Variants in NYAP2 observed in about 807,000 individuals in gnomAD.
The protein encoded by NYAP2 is neuronal tyrosine-phosphorylated phosphoinositide-3-kinase adaptor 2.
In NYAP2, 23 loss-of-function variants were observed where a neutral mutation model predicts 50.4. The ratio of observed to expected loss-of-function variants is 0.46; its 90% CI spans 0.33 to 0.65. NYAP2 has a LOEUF of 0.65. Ranked by LOEUF, NYAP2 falls within the 30% of genes least tolerant of loss-of-function variation. NYAP2 has a pLI of 0.02. For missense variants in NYAP2, 885 were observed against 861.0 expected (o/e 1.03, Z -0.35); for synonymous variants, 394 against 365.2 (o/e 1.08, Z -0.90).
intron 3 of NYAP2, among the ~76,000 whole-genome samples, chr2:225,467,432 G>A (rs1689938034): frequency 6.6e-6 from 1 of 152,156 alleles, no homozygotes; most frequent in Non-Finnish European, 1.5e-5. Context: ...CCTGATTGGG[G>A]TGGTGGGGGT....
chr2:225,546,562 C>A (rs1012801939), intron 4 of NYAP2, among the ~76,000 whole-genome samples: 1 of 151,956 alleles, frequency 6.6e-6, no homozygotes, highest in East Asian at 1.9e-4. Flanking sequence ...TGTTGCTAGG[C>A]CTTGGATTTA....
intron 5 of NYAP2, among the ~76,000 whole-genome samples, chr2:225,621,076 T>C (rs1009368577): frequency 7.0e-6 from 1 of 142,840 alleles, no homozygotes; most frequent in Non-Finnish European, 1.5e-5. Flanking sequence ...ATCGTGCCAC[T>C]GCACTCCAGC....
intron 5 of NYAP2, among the ~76,000 whole-genome samples, chr2:225,622,547 TTCTTTCTTTCTTTTTC>T (rs1162550164): frequency 0.014 from 615 of 43,030 alleles, 3 homozygotes; most frequent in African/African-American, 0.041. Flanking sequence ...CTTTCTTTCT[TTCTTTCTTTCTTTTTC>T]TTTCTTTCTT....
chr2:225,419,306 G>A (rs1023241844), intron 3 of NYAP2, among the ~76,000 whole-genome samples: 3 of 152,216 alleles, frequency 2.0e-5, no homozygotes, highest in African/African-American at 7.2e-5. Flanking sequence ...CATTGGTAAT[G>A]TTCACTTAAG....
chr2:225,585,442 C>T (rs1189853669), intron 5 of NYAP2, among the ~76,000 whole-genome samples: 2 of 152,240 alleles, frequency 1.3e-5, no homozygotes, highest in Non-Finnish European at 2.9e-5. Context: ...TAGAATCAGT[C>T]TACGTGTATA....
intron 6 of NYAP2, among the ~76,000 whole-genome samples, chr2:225,645,238 G>GAA (rs36010669): frequency 5.9e-5 from 6 of 101,520 alleles, no homozygotes; most frequent in Admixed American, 1.0e-4. Flanking sequence ...AGCCTGGGCA[G>GAA]AAAAAAAAAA....
chr2:225,548,922 C>A (rs1314666389), intron 4 of NYAP2, among the ~76,000 whole-genome samples: 1 of 149,810 alleles, frequency 6.7e-6, no homozygotes, highest in East Asian at 2.0e-4. Context: ...TTGCTCATTG[C>A]CCAGGCTGGA....
chr2:225,697,013 A>C, the NYAP2 span, among the ~76,000 whole-genome samples: 1 of 151,980 alleles, frequency 6.6e-6, no homozygotes, highest in Non-Finnish European at 1.5e-5. Context: ...TGTAACAGCA[A>C]GTTCAATGAC....
rs544835532 is a variant in NYAP2, at chr2:225,465,179, A to G, written c.222-48192A>G. On this transcript the variant is annotated intron_variant, in intron 3 of 6. Coordinates refer to ENST00000636099, the Ensembl canonical transcript of NYAP2. Reference sequence around the variant, plus strand: ...TGAGAAGTGGAGGACATATCGACTTACCCTTTGGGCATGATTTTCTTTGCC... The same window carrying G: ...TGAGAAGTGGAGGACATATCGACTTGCCCTTTGGGCATGATTTTCTTTGCC... Among the ~76,000 whole-genome samples, 15 of 152,230 alleles carry G rather than the reference A, an allele frequency of 9.9e-5. No individual in the cohort carries two copies. The South Asian group carries it at 2.9e-3, about 29-fold the overall frequency.
At chr2:225,568,085 GTT>G (rs932571405) in intron 4 of NYAP2, among the ~76,000 whole-genome samples, 1 of 152,046 alleles carries the variant, frequency 6.6e-6, no homozygotes, top group African/African-American at 2.4e-5. Context: ...TACACAGGAG[GTT>G]TTTTGCCAGA....
the NYAP2 span, among the ~76,000 whole-genome samples, chr2:225,664,273 A>T: frequency 6.6e-6 from 1 of 152,320 alleles, no homozygotes; most frequent in South Asian, 2.1e-4. Flanking sequence ...TCCAAGGAGC[A>T]TGTATGGATT....
chr2:225,693,443 C>A, the NYAP2 span, among the ~76,000 whole-genome samples: 1 of 152,002 alleles, frequency 6.6e-6, no homozygotes, highest in African/African-American at 2.4e-5. Flanking sequence ...TAGTTTACTA[C>A]GGTTGATCGC....
At chr2:225,559,263 A>G (rs1691828440) in intron 4 of NYAP2, among the ~76,000 whole-genome samples, 1 of 152,012 alleles carries the variant, frequency 6.6e-6, no homozygotes, top group Non-Finnish European at 1.5e-5. Context: ...GTGTCAGTAG[A>G]GAAAAAGCTT....
intron 3 of NYAP2, among the ~76,000 whole-genome samples, chr2:225,443,923 A>T (rs900680055): frequency 2.6e-5 from 4 of 152,198 alleles, no homozygotes; most frequent in Admixed American, 1.3e-4. Flanking sequence ...CAAATTCTTG[A>T]CCTTGTGTGA....
At chr2:225,596,885 A>G (rs1448482980) in intron 5 of NYAP2, among the ~76,000 whole-genome samples, 1 of 152,202 alleles carries the variant, frequency 6.6e-6, no homozygotes, top group Non-Finnish European at 1.5e-5. Flanking sequence ...TATTAGCTAG[A>G]TTGCATGGTA....
intron 3 of NYAP2, 88 bp from the exon 4 acceptor site, chr2:225,513,283 T>C: frequency 8.4e-7 from 1 of 1,196,846 alleles, no homozygotes; most frequent in Non-Finnish European, 1.2e-6. Context: ...ATTTGAAATT[T>C]TCCCTATTAG....
At chr2:225,701,204 T>C in the NYAP2 span, 1 of 151,826 alleles carries the variant, frequency 6.6e-6, no homozygotes, top group Admixed American at 6.6e-5. Flanking sequence ...AGATCATTAG[T>C]ATGTAGAGAA....
At chr2:225,643,610 C>G (rs1348114531) in intron 6 of NYAP2, among the ~76,000 whole-genome samples, 1 of 146,844 alleles carries the variant, frequency 6.8e-6, no homozygotes, top group African/African-American at 2.5e-5. Flanking sequence ...CACCCCACAA[C>G]AGTCCCCAGA....
chr2:225,441,786 A>G (rs570436884), intron 3 of NYAP2, among the ~76,000 whole-genome samples: 2 of 152,242 alleles, frequency 1.3e-5, no homozygotes, highest in Non-Finnish European at 2.9e-5. Flanking sequence ...GAGTGGGGAC[A>G]CAGAGCCAAA....
Sources: allele counts gnomAD v4.1 joint callset (sites outside exome capture counted in the v4.1 genomes callset), GRCh38; gene constraint gnomAD v4.1.1; transcripts MANE v1.5; gene names NCBI Gene and HGNC (gene_info 2026-07-23, HGNC 2026-07-21).